GRIK4: variants seen among roughly 807,000 people sequenced by gnomAD.
GRIK4 encodes glutamate receptor ionotropic, kainate 4.
In GRIK4, 40 loss-of-function variants were observed where a neutral mutation model predicts 104.9. The ratio of observed to expected loss-of-function variants is 0.38; its 90% CI spans 0.30 to 0.50. The LOEUF (loss-of-function observed/expected upper bound fraction) is 0.50, where lower values mean the gene tolerates loss of function less well. GRIK4 is among the 20% of genes least tolerant of loss of function. GRIK4 has a pLI of 0.93. For synonymous variants in GRIK4, 485 were observed against 524.9 expected (o/e 0.92, Z 1.04); for missense variants, 1,047 against 1,308.1 (o/e 0.80, Z 3.08).
chr11:120,615,221 G>A (rs917805346), intron 1 of GRIK4, among the ~76,000 whole-genome samples: 1 of 152,120 alleles, frequency 6.6e-6, no homozygotes, highest in Non-Finnish European at 1.5e-5. Flanking sequence ...GCAGCTTGTA[G>A]GAGGCCGATT....
chr11:120,817,352 T>C (rs1013916571), intron 5 of GRIK4, among the ~76,000 whole-genome samples: 3 of 152,236 alleles, frequency 2.0e-5, no homozygotes, highest in African/African-American at 7.2e-5. Flanking sequence ...CAGACTGCAC[T>C]GCCCTGGGAG....
chr11:120,686,634 A>G (rs10750176), intron 3 of GRIK4, among the ~76,000 whole-genome samples: 88,792 of 152,154 alleles, frequency 0.58, 27,837 homozygotes, highest in African/African-American at 0.82. Context: ...TAACAGAGGG[A>G]AGCAGTGATG....
intron 1 of GRIK4, among the ~76,000 whole-genome samples, chr11:120,627,537 C>T (rs1371757305): frequency 2.0e-5 from 3 of 152,222 alleles, no homozygotes; most frequent in South Asian, 2.1e-4. Context: ...CCTGTGCCTC[C>T]CAGAGCAACA....
At chr11:120,717,264 G>A (rs546420389) in intron 3 of GRIK4, among the ~76,000 whole-genome samples, 11 of 152,316 alleles carry the variant, frequency 7.2e-5, no homozygotes, top group Admixed American at 6.5e-4. Flanking sequence ...GCACACACCT[G>A]GGTGGTGGGC....
At chr11:120,531,700 C>T (rs368516096) in intron 1 of GRIK4, among the ~76,000 whole-genome samples, 24 of 152,032 alleles carry the variant, frequency 1.6e-4, no homozygotes, top group African/African-American at 4.3e-4. Context: ...CTCAGCCTCC[C>T]GAGTAGCTGG....
At chr11:120,825,452 A>G (rs1177140604) in intron 6 of GRIK4, among the ~76,000 whole-genome samples, 2 of 152,250 alleles carry the variant, frequency 1.3e-5, no homozygotes, top group African/African-American at 4.8e-5. Context: ...AATGCTCGGC[A>G]CACATGAGTT....
chr11:120,709,201 T>C (rs1358812078), intron 3 of GRIK4, among the ~76,000 whole-genome samples: 1 of 151,792 alleles, frequency 6.6e-6, no homozygotes, highest in Non-Finnish European at 1.5e-5. Context: ...GGCAACCCAG[T>C]GAGTCACAGG....
At chr11:120,523,885 G>A (rs1947826306) in intron 1 of GRIK4, among the ~76,000 whole-genome samples, 1 of 151,340 alleles carries the variant, frequency 6.6e-6, no homozygotes, top group Non-Finnish European at 1.5e-5. Context: ...CTCCCCACAA[G>A]GCACGGGTTC....
rs145812744 is a variant in GRIK4 at position 120,525,826 on chromosome 11, G to T, written c.-159+13939G>T. On this transcript the variant is annotated intron_variant, in intron 1 of 20. Transcript: ENST00000527524. ...GGGGGGTGACGGGAGGGCTTGGACA[G>T]CTGGAGTTAGAGTCCCTCTCTCTAC... 9.5e-3 allele frequency among the ~76,000 whole-genome samples: 1,442 copies of T among 152,226 alleles called. 20 individuals are homozygous for T. Among genetic ancestry groups the T allele is most frequent in the African/African-American group, 0.033 (1,383 of 41,530 alleles).
At chr11:120,601,822 C>T (rs1312759563) in intron 1 of GRIK4, among the ~76,000 whole-genome samples, 2 of 151,982 alleles carry the variant, frequency 1.3e-5, no homozygotes, top group Non-Finnish European at 2.9e-5. Context: ...GAGCTGTGCC[C>T]TCTGTGTTCC....
chr11:120,947,303 G>A (rs899196502), intron 14 of GRIK4, among the ~76,000 whole-genome samples: 1 of 151,830 alleles, frequency 6.6e-6, no homozygotes, highest in Non-Finnish European at 1.5e-5. Flanking sequence ...TCAGGAGGCT[G>A]AGACAGGAGA....
chr11:120,917,480 A>G (rs774530077), intron 13 of GRIK4, among the ~76,000 whole-genome samples: 3 of 152,094 alleles, frequency 2.0e-5, no homozygotes, highest in African/African-American at 7.2e-5. Flanking sequence ...GGCATGTAAG[A>G]TAATAAAGTG....
Position 120,555,789 on chromosome 11 carries a change from T to C in GRIK4, c.-159+43902T>C, listed in dbSNP as rs542763283. ...TCCTTGTCCTCAGAGGCCTTGGGGC[T>C]TCTTCCCACCGTCATTATTGATGTC... On this transcript the variant is annotated intron_variant, in intron 1 of 20. Transcript: ENST00000527524. The surrounding 1 kb of genome is among the most constrained non-coding windows in gnomAD (Gnocchi z 5.3). Among the ~76,000 whole-genome samples the C allele has an allele frequency of 1.3e-5, 2 of 152,308 alleles. No homozygotes were observed. The highest frequency in any genetic ancestry group is 2.9e-5 in the Non-Finnish European group (2 of 68,022).
At chr11:120,523,192 A>G (rs558519487) in intron 1 of GRIK4, among the ~76,000 whole-genome samples, 34 of 150,516 alleles carry the variant, frequency 2.3e-4, no homozygotes, top group Non-Finnish European at 4.6e-4. Context: ...TATTTGTGCT[A>G]AAATAGCATC....
intron 3 of GRIK4, among the ~76,000 whole-genome samples, chr11:120,687,236 C>T (rs905278845): frequency 1.3e-5 from 2 of 152,098 alleles, no homozygotes; most frequent in Non-Finnish European, 2.9e-5. Context: ...GCTGTCTTAG[C>T]TGGATACAGG....
Position 120,782,285 on chromosome 11 carries a change from C to CTTTT in GRIK4, c.83-20393_83-20390dup, listed in dbSNP as rs1264123873. 5.3e-5 allele frequency among the ~76,000 whole-genome samples: 7 copies of CTTTT among 132,696 alleles called. 1 individual carries two copies. The highest frequency in any genetic ancestry group is 2.4e-4 in the South Asian group (1 of 4,094). The allele number at this position is 132,696 out of a possible 152,430, so 87.1% of individuals were successfully genotyped here. A position where few individuals can be genotyped will look rare whatever the true frequency, so the allele number is the denominator to read the frequency against. ...GGCACCTAGTAGGTAGCCAGTATGA[C>CTTTT]TTTTTTTTTTTTTTTTTTGAGACGG... On this transcript the variant is annotated intron_variant, in intron 3 of 20. Coordinates refer to ENST00000527524, the MANE Select transcript of GRIK4 (RefSeq NM_014619.5).
chr11:120,723,791 T>TG (rs1411987449), intron 3 of GRIK4, among the ~76,000 whole-genome samples: 1 of 109,850 alleles, frequency 9.1e-6, no homozygotes, highest in Admixed American at 9.6e-5. Context: ...GGGTAGCACC[T>TG]GTTTTTTTTT....
At chr11:120,658,523 T>G (rs1949750548) in intron 2 of GRIK4, among the ~76,000 whole-genome samples, 4 of 152,156 alleles carry the variant, frequency 2.6e-5, no homozygotes, top group African/African-American at 4.8e-5. Context: ...GTCCACATCC[T>G]TGCTAACACT....
intron 19 of GRIK4, among the ~76,000 whole-genome samples, chr11:120,972,464 AC>A (rs1944491033): frequency 6.6e-6 from 1 of 152,240 alleles, no homozygotes; most frequent in South Asian, 2.1e-4. Context: ...ATTTTGGAAT[AC>A]AGAAGGTTAA....
Sources: allele counts gnomAD v4.1 joint callset (sites outside exome capture counted in the v4.1 genomes callset), GRCh38; gene constraint gnomAD v4.1.1; non-coding constraint Gnocchi (gnomAD v3.1); transcripts MANE v1.5; gene names NCBI Gene and HGNC (gene_info 2026-07-23, HGNC 2026-07-21).